Variants in DLG5 observed in about 807,000 individuals in gnomAD.
The protein encoded by DLG5 is discs large MAGUK scaffold protein 5, also known as disks large homolog 5.
In DLG5, 48 loss-of-function variants were observed where a neutral mutation model predicts 189.8. The observed-to-expected ratio is 0.25, with a 90% CI of 0.20 to 0.32. The LOEUF (loss-of-function observed/expected upper bound fraction) is 0.32, where lower values mean the gene tolerates loss of function less well. Ranked by LOEUF, DLG5 falls within the 10% of genes least tolerant of loss-of-function variation. DLG5 has a pLI of 1.00. For missense variants in DLG5, 2,160 were observed against 2,544.7 expected (o/e 0.85, Z 3.25); for synonymous variants, 1,016 against 1,054.1 (o/e 0.96, Z 0.70).
At chr10:77,882,454 C>T (rs1037342005) in intron 1 of DLG5, among the ~76,000 whole-genome samples, 1 of 152,166 alleles carries the variant, frequency 6.6e-6, no homozygotes, top group African/African-American at 2.4e-5. Flanking sequence ...TCAGGTCTAT[C>T]TCTGTCCCCG....
intron 1 of DLG5, among the ~76,000 whole-genome samples, chr10:77,898,648 G>A (rs1315634191): frequency 1.3e-5 from 2 of 152,224 alleles, no homozygotes; most frequent in Non-Finnish European, 2.9e-5. Flanking sequence ...CACGAGTCAC[G>A]CGGCTGGGCC....
Position 77,841,870 on chromosome 10 carries a change from C to G in DLG5, c.1437+11G>C. 1 of 1,601,830 alleles carries G rather than the reference C, an allele frequency of 6.2e-7. No homozygotes were observed. Among genetic ancestry groups the G allele is most frequent in the South Asian group, 1.1e-5 (1 of 90,114 alleles). On this transcript the variant is annotated intron_variant, in intron 7 of 31. Transcript: ENST00000372391. ...AGAGGCTGAAAGCCAGCCACCGGCCCACCCACCTACCTGCCGCAGCGCCTC... is the reference window on the plus strand; with the variant it reads ...AGAGGCTGAAAGCCAGCCACCGGCCGACCCACCTACCTGCCGCAGCGCCTC...
intron 2 of DLG5, among the ~76,000 whole-genome samples, chr10:77,863,646 A>G (rs1029963118): frequency 6.6e-6 from 1 of 152,210 alleles, no homozygotes; most frequent in Non-Finnish European, 1.5e-5. Context: ...TCTGGACTCA[A>G]ATGCAAAGCT....
chr10:77,800,332 TG>T (rs1841134923), intron 27 of DLG5, among the ~76,000 whole-genome samples: 1 of 152,156 alleles, frequency 6.6e-6, no homozygotes, highest in African/African-American at 2.4e-5. Context: ...AGACAGAATT[TG>T]AGATGCCAAG....
intron 1 of DLG5, among the ~76,000 whole-genome samples, chr10:77,918,627 T>C (rs1381950362): frequency 2.0e-5 from 3 of 152,104 alleles, no homozygotes; most frequent in African/African-American, 7.2e-5. Context: ...AGCACTTTTG[T>C]GGAACGCAGT....
intron 1 of DLG5, among the ~76,000 whole-genome samples, chr10:77,888,246 G>C (rs1845500162): frequency 6.6e-6 from 1 of 152,174 alleles, no homozygotes. Context: ...TGAATTACTA[G>C]GAGGCAAAGT....
chr10:77,833,745 T>C (rs976896951), intron 9 of DLG5, among the ~76,000 whole-genome samples, 169 bp downstream of exon 9: 1 of 152,202 alleles, frequency 6.6e-6, no homozygotes, highest in Admixed American at 6.5e-5. Context: ...TCGAACCCAT[T>C]CTACACACTG....
chr10:77,930,016 A>G (rs950043455), upstream of DLG5, among the ~76,000 whole-genome samples: 1 of 152,030 alleles, frequency 6.6e-6, no homozygotes, highest in African/African-American at 2.4e-5. Flanking sequence ...CACCTTTCCT[A>G]CTTTCTTCTG....
chr10:77,932,120 A>G, the DLG5 span, among the ~76,000 whole-genome samples: 2 of 152,228 alleles, frequency 1.3e-5, no homozygotes, highest in African/African-American at 2.4e-5. Context: ...TGGGGATGTC[A>G]ATAATAGTAT....
chr10:77,830,101 T>G, intron 11 of DLG5, 116 bp downstream of exon 11: 1 of 1,310,490 alleles, frequency 7.6e-7, no homozygotes, highest in Non-Finnish European at 1.1e-6. Context: ...GGACAGACTG[T>G]GTGTGAGTCT....
In DLG5 at chr10:77,812,033, C is replaced by T; in HGVS notation, c.4213G>A (p.Ala1405Thr). The T allele has an allele frequency of 6.2e-7, 1 of 1,610,756 alleles. No individual in the cohort carries two copies. The highest frequency in any genetic ancestry group is 8.5e-7 in the Non-Finnish European group (1 of 1,179,998). ...ATGAGCCGCGCCTGCTGCTCCGTGGCGCTCCGCAGGTTTATGCCGTTGAAC... is the reference window on the plus strand; with the variant it reads ...ATGAGCCGCGCCTGCTGCTCCGTGGTGCTCCGCAGGTTTATGCCGTTGAAC... Reference protein sequence around the residue: ...LEFNGINLRSATEQQARLIIG... With the variant: ...LEFNGINLRSTTEQQARLIIG... The change falls in exon 22 of 32, where the codon GCC (alanine) becomes ACC (threonine). Residue 1405 changes from alanine (A) to threonine (T), a missense_variant. Transcript: ENST00000372391.
chr10:77,857,504 T>C (rs1221442979), intron 2 of DLG5, among the ~76,000 whole-genome samples: 6 of 152,250 alleles, frequency 3.9e-5, no homozygotes, highest in African/African-American at 1.4e-4. Context: ...GGAGGGCTGC[T>C]GGCTCCCAGC....
At position 77,926,564 on chromosome 10, in the gene DLG5, C is replaced by A. The variant is rs1277549066; in HGVS notation, c.-44G>T. On this transcript the variant is annotated 5_prime_UTR_variant, in exon 1 of 32. Transcript: ENST00000372391. The surrounding 1 kb of genome is among the most constrained non-coding windows in gnomAD (Gnocchi z 5.2). ...CCCGCCCCGCCGGACGCCTCCCGGG[C>A]CCCCCGAGGCCGGCGGGCGGGCAGG... The A allele has an allele frequency of 2.5e-6, 3 of 1,208,618 alleles. 1 individual carries two copies. The East Asian group carries it at 1.0e-4, about 41-fold the overall frequency. The allele number at this position is 1,208,618 out of a possible 1,614,324, so 74.9% of individuals were successfully genotyped here. A position where few individuals can be genotyped will look rare whatever the true frequency, so the allele number is the denominator to read the frequency against.
In DLG5 at chr10:77,798,168, C is replaced by T. The variant is rs536562969; in HGVS notation, c.5165-1574G>A. ...CACCACTGTACTCCAGCCTGGGCAA[C>T]AGAGCAAGACTAGATCTCAATAAAA... On this transcript the variant is annotated intron_variant, in intron 27 of 31. Transcript: ENST00000372391. 6.1e-4 allele frequency among the ~76,000 whole-genome samples: 93 copies of T among 152,296 alleles called. 1 individual carries two copies. The highest frequency in any genetic ancestry group is 3.4e-3 in the Middle Eastern group (1 of 294).
At chr10:77,858,976 G>A (rs1023781685) in intron 2 of DLG5, among the ~76,000 whole-genome samples, 3 of 152,030 alleles carry the variant, frequency 2.0e-5, no homozygotes, top group Non-Finnish European at 2.9e-5. Flanking sequence ...GGGCTCAAGC[G>A]ATCCTCTCAC....
At chr10:77,845,919 T>C (rs1463722415) in intron 5 of DLG5, among the ~76,000 whole-genome samples, 2 of 125,226 alleles carry the variant, frequency 1.6e-5, no homozygotes, top group Non-Finnish European at 3.2e-5. Context: ...CCACTCTACA[T>C]CTAAAATCTT....
intron 2 of DLG5, among the ~76,000 whole-genome samples, chr10:77,857,332 C>T (rs1038810447): frequency 6.6e-6 from 1 of 152,232 alleles, no homozygotes; most frequent in African/African-American, 2.4e-5. Flanking sequence ...GAGAAAGGCA[C>T]ACCTGAAATC....
At chr10:77,800,262 G>GA in intron 27 of DLG5, among the ~76,000 whole-genome samples, 1 of 152,204 alleles carries the variant, frequency 6.6e-6, no homozygotes, top group Non-Finnish European at 1.5e-5. Context: ...AGAACACCTA[G>GA]AAAATCTGGG....
In DLG5 at chr10:77,794,141, G is replaced by A. The variant is rs759558761; in HGVS notation, c.5547-24C>T. On this transcript the variant is annotated intron_variant, in intron 30 of 31. Coordinates refer to ENST00000372391, the MANE Select transcript of DLG5 (RefSeq NM_004747.4). Reference sequence around the variant, plus strand: ...CCCTGTGGGGACAGCCAGACACCAGGCTGAGCACTGAGCCTCCTCCAGGCC... The same window carrying A: ...CCCTGTGGGGACAGCCAGACACCAGACTGAGCACTGAGCCTCCTCCAGGCC... 6 of 1,601,754 alleles carry A rather than the reference G, an allele frequency of 3.7e-6. No individual in the cohort carries two copies. The South Asian group carries it at 6.6e-5, about 18-fold the overall frequency.
Sources: allele counts gnomAD v4.1 joint callset (sites outside exome capture counted in the v4.1 genomes callset), GRCh38; gene constraint gnomAD v4.1.1; non-coding constraint Gnocchi (gnomAD v3.1); transcripts MANE v1.5; gene names NCBI Gene and HGNC (gene_info 2026-07-23, HGNC 2026-07-21).